The following SH3YL1 variants were observed in gnomAD, a reference collection of about 807,000 sequenced individuals.
SH3YL1 encodes SH3 domain-containing YSC84-like protein 1.
SH3YL1 carries 41 observed loss-of-function variants against 45.8 expected under a neutral mutation model. That is an observed-to-expected ratio of 0.89 (90% confidence interval 0.70 to 1.16). The LOEUF (loss-of-function observed/expected upper bound fraction) is 1.16, where lower values mean the gene tolerates loss of function less well. SH3YL1 is among the 50% of genes most tolerant of loss of function. SH3YL1 has a pLI of 0.00. For synonymous variants in SH3YL1, 152 were observed against 151.4 expected (o/e 1.00, Z -0.03); for missense variants, 389 against 409.6 (o/e 0.95, Z 0.43).
intron 8 of SH3YL1, 105 bp downstream of exon 8, chr2:229,861 C>A (rs1667955516): frequency 3.7e-6 from 3 of 819,912 alleles, no homozygotes; most frequent in East Asian, 5.9e-5. Flanking sequence ...TATGTTAGTT[C>A]TTCTATTTAA....
At chr2:256,862 G>A (rs1186984803) in intron 1 of SH3YL1, among the ~76,000 whole-genome samples, 1 of 152,048 alleles carries the variant, frequency 6.6e-6, no homozygotes, top group Non-Finnish European at 1.5e-5. Context: ...TAAGAGTTCT[G>A]GTTATTCCAT....
intron 8 of SH3YL1, among the ~76,000 whole-genome samples, chr2:226,413 C>CA (rs1251177814): frequency 3.3e-5 from 5 of 152,022 alleles, no homozygotes; most frequent in Admixed American, 1.3e-4. Context: ...AGATTAAATC[C>CA]AAAACACCAG....
intron 4 of SH3YL1, among the ~76,000 whole-genome samples, chr2:243,291 C>T (rs1331085738): frequency 1.3e-5 from 2 of 152,120 alleles, no homozygotes; most frequent in South Asian, 2.1e-4. Flanking sequence ...TAAAAGAAGC[C>T]TTAACCCATT....
In SH3YL1 at chr2:226,886, C is replaced by G. The variant is rs140826234; in HGVS notation, c.782-1966G>C. On this transcript the variant is annotated intron_variant, in intron 8 of 9. Coordinates refer to ENST00000356150, the MANE Select transcript of SH3YL1 (RefSeq NM_015677.4). ...TATACACGGTACAGAATATGGTGGG[C>G]AGCATAAATGGTGGATAATTCATAT... is the stretch of plus-strand genomic sequence containing the variant. Among the ~76,000 whole-genome samples the G allele has an allele frequency of 5.0e-3, 755 of 151,068 alleles. 4 individuals are homozygous for G. The highest frequency in any genetic ancestry group is 8.7e-3 in the Non-Finnish European group (588 of 67,856).
At chr2:251,284 C>T (rs1669062029) in intron 2 of SH3YL1, among the ~76,000 whole-genome samples, 1 of 152,196 alleles carries the variant, frequency 6.6e-6, no homozygotes, top group Non-Finnish European at 1.5e-5. Context: ...AGGCCAAACA[C>T]ACCACTGGGA....
intron 2 of SH3YL1, among the ~76,000 whole-genome samples, chr2:252,733 G>A (rs1403385987): frequency 6.6e-6 from 1 of 152,180 alleles, no homozygotes; most frequent in African/African-American, 2.4e-5. Flanking sequence ...CTGTAACATT[G>A]CCAAAGTTAA....
rs11685739 is a variant in SH3YL1 at position 221,384 on chromosome 2, A to C, written c.839-2383T>G. Among the ~76,000 whole-genome samples the C allele has an allele frequency of 5.3e-3, 800 of 152,320 alleles. 11 individuals are homozygous for C. The highest frequency in any genetic ancestry group is 0.018 in the African/African-American group (762 of 41,578). ...AACTGAATTGGTTCTAAGCAGTTTC[A>C]GGAATATATTTTATGAGGAATAATT... On this transcript the variant is annotated intron_variant, in intron 9 of 9. Transcript: ENST00000356150.
rs181819043 is a variant in SH3YL1 at position 247,620 on chromosome 2, G to C, written c.227-18C>G. ...AGACCATTCTAATAAAAAAACAAAC[G>C]AACGTTATCCTAACATTAAAACACC... On this transcript the variant is annotated intron_variant, in intron 3 of 9. Transcript: ENST00000356150. 3.2e-6 allele frequency: 5 copies of C among 1,545,948 alleles called. No homozygotes were observed. Among genetic ancestry groups the C allele is most frequent in the Non-Finnish European group, 4.4e-6 (5 of 1,144,158 alleles).
At chr2:232,988 A>G in intron 6 of SH3YL1, 113 bp downstream of exon 6, 1 of 912,830 alleles carries the variant, frequency 1.1e-6, no homozygotes, top group Non-Finnish European at 1.5e-6. Context: ...ATACACACTT[A>G]AAACCACATG....
chr2:239,074 C>T (rs1390480365), intron 4 of SH3YL1, among the ~76,000 whole-genome samples: 1 of 152,176 alleles, frequency 6.6e-6, no homozygotes, highest in Non-Finnish European at 1.5e-5. Flanking sequence ...AACCACAGCA[C>T]GATGCAATAA....
upstream of SH3YL1, chr2:264,771 C>T (rs1003236238): frequency 6.9e-6 from 4 of 579,746 alleles, no homozygotes; most frequent in South Asian, 4.5e-5. Flanking sequence ...CCTCCCCGCC[C>T]GTCCTACTAC....
At chr2:248,740 G>C (rs1668945660) in intron 3 of SH3YL1, among the ~76,000 whole-genome samples, 1 of 152,170 alleles carries the variant, frequency 6.6e-6, no homozygotes. Flanking sequence ...CTGACAATGG[G>C]CTCCCTTGGA....
chr2:234,188 A>C lies in SH3YL1; in HGVS notation c.376T>G (p.Leu126Val), dbSNP rs868613453. ...KGGNLTLGGNLTVAVGPLGRN... is the reference protein window; with the variant it reads ...KGGNLTLGGNVTVAVGPLGRN... ...CCCAAGGGCCCAACCGCCACAGTCAAGTTCCCTCCGAGGGTCAGATTTCCG... is the reference window on the plus strand; with the variant it reads ...CCCAAGGGCCCAACCGCCACAGTCACGTTCCCTCCGAGGGTCAGATTTCCG... The change falls in exon 5 of 10, where the codon TTG becomes GTG. Residue 126 changes from leucine (L) to valine (V), a missense_variant. Physicochemically the swap from Leu to Val is conservative, Grantham distance 32. Coordinates refer to ENST00000356150, the MANE Select transcript of SH3YL1 (RefSeq NM_015677.4). The C allele has an allele frequency of 2.5e-6, 4 of 1,614,134 alleles. No homozygotes were observed. In the African/African-American group the frequency reaches 5.3e-5, roughly 22 times the overall value.
intron 4 of SH3YL1, among the ~76,000 whole-genome samples, chr2:243,189 C>T (rs1040325085): frequency 6.6e-6 from 1 of 152,132 alleles, no homozygotes; most frequent in African/African-American, 2.4e-5. Context: ...CAATGGACTC[C>T]TGGAGAACAC....
intron 6 of SH3YL1, chr2:232,818 CA>C (rs1668108378): frequency 1.8e-4 from 33 of 188,348 alleles, no homozygotes; most frequent in South Asian, 3.7e-4. Context: ...TATGGCAAAA[CA>C]AAAAAAATTA....
At chr2:245,137 T>A (rs1423574424) in intron 4 of SH3YL1, among the ~76,000 whole-genome samples, 1 of 152,114 alleles carries the variant, frequency 6.6e-6, no homozygotes, top group African/African-American at 2.4e-5. Flanking sequence ...CAAACAGTGC[T>A]TTCTGTTAAC....
chr2:247,952 G>A (rs968099522), intron 3 of SH3YL1, among the ~76,000 whole-genome samples: 17 of 152,304 alleles, frequency 1.1e-4, no homozygotes, highest in African/African-American at 3.1e-4. Context: ...CAACTTAGCT[G>A]TAGGTCTAGT....
upstream of SH3YL1, chr2:264,280 C>A (rs552715095): frequency 1.8e-4 from 70 of 384,066 alleles, 2 homozygotes; most frequent in East Asian, 2.6e-3. Context: ...TCAGGGAGCG[C>A]CCAGGCCCAA....
At chr2:257,444 G>A (rs772277073) in intron 1 of SH3YL1, among the ~76,000 whole-genome samples, 2 of 152,158 alleles carry the variant, frequency 1.3e-5, no homozygotes, top group Middle Eastern at 3.2e-3. Flanking sequence ...TAGATGAACT[G>A]CCACCTAACT....
Sources: allele counts gnomAD v4.1 joint callset (sites outside exome capture counted in the v4.1 genomes callset), GRCh38; gene constraint gnomAD v4.1.1; transcripts MANE v1.5; gene names NCBI Gene and HGNC (gene_info 2026-07-23, HGNC 2026-07-21).